The following GAB3 variants were observed in gnomAD, a reference collection of about 807,000 sequenced individuals.
GAB3 encodes the protein GRB2-associated-binding protein 3.
Under a neutral mutation model 40.4 loss-of-function variants are expected in GAB3, and 12 were observed. The ratio of observed to expected loss-of-function variants is 0.30; its 90% CI spans 0.19 to 0.48. GAB3 has a LOEUF of 0.48. Ranked by LOEUF, GAB3 falls within the 20% of genes least tolerant of loss-of-function variation. GAB3 has a pLI of 0.99. For missense variants in GAB3, 381 were observed against 461.9 expected (o/e 0.82, Z 1.61); for synonymous variants, 154 against 176.7 (o/e 0.87, Z 1.02).
At chrX:154,718,887 T>A (rs2071086786) in intron 1 of GAB3, among the ~76,000 whole-genome samples, 1 of 112,349 alleles carries the variant, frequency 8.9e-6, no homozygotes, top group African/African-American at 3.2e-5. Context: ...CATTAACCGC[T>A]CTTAGTGTTA....
Position 154,712,359 on chromosome X carries a change from A to AG in GAB3, c.938dup (p.Lys314Ter). ...GCCGTTCAGACAGATGGCTTGGCTTAGGGGGGCGGGGAGGTGGAGTGTTGG... is the reference window on the plus strand; with the variant it reads ...GCCGTTCAGACAGATGGCTTGGCTTAGGGGGGGCGGGGAGGTGGAGTGTTGG... On this transcript the variant is annotated frameshift_variant, in exon 4 of 10. Transcript: ENST00000424127. LOFTEE classifies it high-confidence loss of function. The AG allele has an allele frequency of 8.3e-7, 1 of 1,211,380 alleles. No individual in the cohort carries two copies. The highest frequency in any genetic ancestry group is 1.1e-6 in the Non-Finnish European group (1 of 895,134).
intron 7 of GAB3, 105 bp from the exon 8 acceptor site, chrX:154,696,124 A>G (rs2070652730): frequency 4.8e-6 from 2 of 419,960 alleles, no homozygotes; most frequent in Non-Finnish European, 8.3e-6. Context: ...CTCCTCTTCC[A>G]GACACAACTT....
At position 154,699,361 on chromosome X, in the gene GAB3, C is replaced by T. The variant is rs368344550; in HGVS notation, c.1278G>A (p.Pro426=). Reference sequence around the variant, plus strand: ...CCAGGTTTGCAGGCAGCTCAGGCAACGGGCTTGAGATGCTTCCTGAGTTCA... The same window carrying T: ...CCAGGTTTGCAGGCAGCTCAGGCAATGGGCTTGAGATGCTTCCTGAGTTCA... ...IPMNSGSISS[P]LPELPANLEP... is the part of the protein sequence containing the mutation. Residue 426 remains proline, a synonymous_variant, in exon 6 of 10, where the codon CCG becomes CCA. Transcript: ENST00000424127. 5.0e-6 allele frequency: 6 copies of T among 1,209,077 alleles called. No individual in the cohort carries two copies. The highest frequency in any genetic ancestry group is 3.5e-5 in the South Asian group (2 of 56,760).
intron 8 of GAB3, among the ~76,000 whole-genome samples, chrX:154,689,596 A>G (rs2070519247): frequency 9.0e-6 from 1 of 110,796 alleles, no homozygotes; most frequent in Admixed American, 9.6e-5. Context: ...ATGTGCAAAA[A>G]TCACAAGCAT....
chrX:154,715,467 T>C (rs1477507987), intron 2 of GAB3, among the ~76,000 whole-genome samples: 6 of 109,880 alleles, frequency 5.5e-5, no homozygotes, highest in Non-Finnish European at 1.1e-4. Flanking sequence ...TCTGGGGTAC[T>C]CTTCATGGGT....
chrX:154,710,228 A>G (rs2070913207), intron 4 of GAB3, among the ~76,000 whole-genome samples: 1 of 112,293 alleles, frequency 8.9e-6, no homozygotes, highest in Admixed American at 9.4e-5. Context: ...AAAATTCAAC[A>G]TTGTAGTCAA....
At chrX:154,709,800 G>C (rs949047687) in intron 4 of GAB3, among the ~76,000 whole-genome samples, 3 of 111,416 alleles carry the variant, frequency 2.7e-5, no homozygotes, top group Non-Finnish European at 5.7e-5. Flanking sequence ...TGACAACATG[G>C]GTAAACCAGG....
chrX:154,699,889 G>T, intron 5 of GAB3, 115 bp downstream of exon 5: 1 of 631,958 alleles, frequency 1.6e-6, no homozygotes, highest in Non-Finnish European at 2.6e-6. Context: ...AGGGGAGACT[G>T]GAAGATTCCT....
intron 4 of GAB3, among the ~76,000 whole-genome samples, chrX:154,711,648 G>A (rs1472628170): frequency 1.8e-5 from 2 of 112,264 alleles, no homozygotes; most frequent in Non-Finnish European, 3.8e-5. Context: ...TGATGAATGA[G>A]GTTGATGGGA....
At chrX:154,709,320 C>T (rs988997937) in intron 4 of GAB3, among the ~76,000 whole-genome samples, 2 of 54,971 alleles carry the variant, frequency 3.6e-5, no homozygotes, top group South Asian at 4.8e-3. Context: ...CAGTCTCCGG[C>T]AGTTTTTTTT....
intron 1 of GAB3, among the ~76,000 whole-genome samples, chrX:154,737,715 T>C (rs1342557116): frequency 2.7e-5 from 3 of 112,006 alleles, no homozygotes; most frequent in African/African-American, 9.8e-5. Context: ...GCGTAAAAAA[T>C]CAATTACAGG....
upstream of GAB3, among the ~76,000 whole-genome samples, chrX:154,751,295 T>G (rs149748952): frequency 0.4 from 23,605 of 58,544 alleles, 4,091 homozygotes; most frequent in East Asian, 0.83. Context: ...GGGGGGGGGG[T>G]GTGGGGGGGG....
At chrX:154,711,799 A>C (rs903113749) in intron 4 of GAB3, among the ~76,000 whole-genome samples, 5 of 112,234 alleles carry the variant, frequency 4.5e-5, no homozygotes. Context: ...AGTGACTCCA[A>C]AAAACACTAG....
chrX:154,745,419 C>G (rs2071511405), intron 1 of GAB3, among the ~76,000 whole-genome samples: 1 of 110,145 alleles, frequency 9.1e-6, no homozygotes, highest in South Asian at 3.8e-4. Flanking sequence ...AGTTTCCTCC[C>G]TAAGGAACTA....
chrX:154,679,300 G>C (rs1557246272), intron 9 of GAB3: 1 of 331,263 alleles, frequency 3.0e-6, no homozygotes, highest in Non-Finnish European at 6.0e-6. Flanking sequence ...TCTTGCCTCG[G>C]CCCTGGACTG....
intron 8 of GAB3, among the ~76,000 whole-genome samples, chrX:154,690,111 C>T (rs1270471044): frequency 9.2e-6 from 1 of 108,266 alleles, no homozygotes; most frequent in Non-Finnish European, 1.9e-5. Context: ...GAAACAACGC[C>T]GCATATCTAC....
chrX:154,743,021 T>TAC (rs1176920967), intron 1 of GAB3, among the ~76,000 whole-genome samples: 5 of 104,495 alleles, frequency 4.8e-5, no homozygotes, highest in African/African-American at 1.4e-4. Context: ...TACACACACA[T>TAC]ACACACACAC....
rs1209889325 is a variant in GAB3 at position 154,678,006 on chromosome X, GTCT to G, written c.*169_*171del. The G allele has an allele frequency of 1.3e-5, 5 of 373,358 alleles. No homozygotes were observed. Among genetic ancestry groups the G allele is most frequent in the Non-Finnish European group, 2.3e-5 (5 of 215,457 alleles). 30.8% of individuals were successfully genotyped at this position (373,358 alleles called of 1,213,427 possible). On this transcript the variant is annotated 3_prime_UTR_variant, in exon 10 of 10. Coordinates refer to ENST00000424127, the MANE Select transcript of GAB3 (RefSeq NM_001081573.3). Reference sequence around the variant, plus strand: ...TTTTCTTCCTTCAATGTATAAACAGGTCTTCTTTCCTAAAGGTTCTGGCCAAGA... The same window carrying G: ...TTTTCTTCCTTCAATGTATAAACAGGTCTTTCCTAAAGGTTCTGGCCAAGA...
chrX:154,695,421 A>T (rs1259246943), intron 8 of GAB3, among the ~76,000 whole-genome samples: 1 of 111,913 alleles, frequency 8.9e-6, no homozygotes, highest in African/African-American at 3.3e-5. Context: ...AGAGGCTAAG[A>T]TACACTCACA....
Sources: allele counts gnomAD v4.1 joint callset (sites outside exome capture counted in the v4.1 genomes callset), GRCh38; gene constraint gnomAD v4.1.1; transcripts MANE v1.5; gene names NCBI Gene and HGNC (gene_info 2026-07-23, HGNC 2026-07-21).